MAGI3: variants seen among roughly 807,000 people sequenced by gnomAD.
MAGI3 encodes the protein membrane associated guanylate kinase, WW and PDZ domain containing 3, also known as membrane-associated guanylate kinase, WW and PDZ domain-containing protein 3.
In MAGI3, 43 loss-of-function variants were observed where a neutral mutation model predicts 121.8. The ratio of observed to expected loss-of-function variants is 0.35; its 90% confidence interval spans 0.28 to 0.46. The LOEUF is 0.46. Ranked by LOEUF, MAGI3 falls within the 20% of genes least tolerant of loss-of-function variation. MAGI3 has a pLI of 1.00. For synonymous variants in MAGI3, 553 were observed against 639.3 expected, an observed-to-expected ratio of 0.86 and a Z score of 2.04; for missense variants, 1,547 against 1,797.3, an observed-to-expected ratio of 0.86 and a Z score of 2.52.
intron 1 of MAGI3, among the ~76,000 whole-genome samples, chr1:113,465,843 AG>A (rs1484724815): frequency 6.6e-6 from 1 of 151,826 alleles, no homozygotes; most frequent in African/African-American, 2.4e-5. Flanking sequence ...TTGTATGTTG[AG>A]TTTGTATTTT....
chr1:113,422,035 G>A lies in MAGI3; in HGVS notation c.316+30686G>A, dbSNP rs1328130023. ...GACTTTAAAACTTTATGTAAAACAT[G>A]CCCTGCCCATCTCTCTCTCTTTACC... On this transcript the variant is annotated intron_variant, in intron 1 of 20. Transcript: ENST00000307546. This position sits in a 1 kb window ranked among gnomAD's most constrained non-coding sequence, Gnocchi z 4.3. Among the ~76,000 whole-genome samples the A allele has an allele frequency of 6.6e-6, 1 of 152,114 alleles. No homozygotes were observed. The highest frequency in any genetic ancestry group is 2.4e-5 in the African/African-American group (1 of 41,426).
chr1:113,682,056 AC>A (rs1648251796), intron 20 of MAGI3, among the ~76,000 whole-genome samples: 1 of 151,166 alleles, frequency 6.6e-6, no homozygotes. Context: ...TGTAGACATA[AC>A]CTCCTACAGT....
chr1:113,599,762 C>T (rs528436811), intron 6 of MAGI3, among the ~76,000 whole-genome samples: 2,392 of 151,338 alleles, frequency 0.016, 66 homozygotes, highest in African/African-American at 0.055. Flanking sequence ...GGCAGAGACA[C>T]AACCAAAAAA....
chr1:113,555,351 C>T (rs1050628436), intron 2 of MAGI3, among the ~76,000 whole-genome samples: 1 of 152,134 alleles, frequency 6.6e-6, no homozygotes, highest in African/African-American at 2.4e-5. Flanking sequence ...GGAAAATAGA[C>T]AACTTTATAA....
intron 2 of MAGI3, among the ~76,000 whole-genome samples, chr1:113,579,182 T>C (rs1647855139): frequency 6.6e-6 from 1 of 152,164 alleles, no homozygotes; most frequent in East Asian, 1.9e-4. Flanking sequence ...TTGGGGCTAT[T>C]ACTCTGAATC....
intron 1 of MAGI3, among the ~76,000 whole-genome samples, chr1:113,547,643 A>G (rs568628416): frequency 1.8e-4 from 27 of 152,312 alleles, no homozygotes; most frequent in Admixed American, 5.9e-4. Context: ...TATTTGGTAT[A>G]TTTTTGTTCA....
At chr1:113,407,151 A>G (rs914369079) in intron 1 of MAGI3, among the ~76,000 whole-genome samples, 2 of 152,178 alleles carry the variant, frequency 1.3e-5, no homozygotes, top group Non-Finnish European at 2.9e-5. Context: ...GAAAGTATAA[A>G]GTTGGAGAAT....
intron 19 of MAGI3, 51 bp downstream of exon 19, chr1:113,673,516 T>G: frequency 6.4e-7 from 1 of 1,554,960 alleles, no homozygotes; most frequent in Non-Finnish European, 8.7e-7. Flanking sequence ...GACTAGAAAC[T>G]TCGAAAGATA....
At chr1:113,460,585 G>A (rs535108814) in intron 1 of MAGI3, among the ~76,000 whole-genome samples, 2 of 152,164 alleles carry the variant, frequency 1.3e-5, no homozygotes, top group South Asian at 4.2e-4. Context: ...CGAGGTGGGC[G>A]GATCATGAAG....
intron 1 of MAGI3, among the ~76,000 whole-genome samples, chr1:113,508,062 G>A (rs912343530): frequency 6.6e-6 from 1 of 152,162 alleles, no homozygotes; most frequent in Non-Finnish European, 1.5e-5. Flanking sequence ...TTACTGAAAG[G>A]AAAGCTATGT....
chr1:113,434,891 G>A (rs1019468123), intron 1 of MAGI3, among the ~76,000 whole-genome samples: 1 of 152,050 alleles, frequency 6.6e-6, no homozygotes, highest in Non-Finnish European at 1.5e-5. Context: ...CTGCTTTTTA[G>A]CAAGGCCTTG....
At chr1:113,622,658 ACT>A in intron 8 of MAGI3, 146 bp from the exon 9 acceptor site, 1 of 622,414 alleles carries the variant, frequency 1.6e-6, no homozygotes. Flanking sequence ...CATATAATGG[ACT>A]CTGGGTTGAA....
rs751663682 is a variant in MAGI3 at position 113,649,192 on chromosome 1, C to A, written c.2156-45C>A. On this transcript the variant is annotated intron_variant, in intron 12 of 20. Coordinates refer to ENST00000307546, the MANE Select transcript of MAGI3 (RefSeq NM_001142782.2). ...TACTGAACTTTGTTTTGTTTTAATC[C>A]TTTTAAAATAAATCATAGTATTTAT... is the stretch of plus-strand genomic sequence containing the variant. The A allele has an allele frequency of 4.2e-5, 60 of 1,443,002 alleles. 1 individual carries two copies. The South Asian group carries it at 7.2e-4, about 17-fold the overall frequency. 89.4% of individuals were successfully genotyped at this position (1,443,002 alleles called of 1,614,324 possible).
chr1:113,448,979 G>A (rs1179272246), intron 1 of MAGI3, among the ~76,000 whole-genome samples: 1 of 152,016 alleles, frequency 6.6e-6, no homozygotes, highest in African/African-American at 2.4e-5. Context: ...TTAGCCCAGC[G>A]TGGTGGTGCA....
chr1:113,634,110 G>A (rs1211859097), intron 9 of MAGI3, among the ~76,000 whole-genome samples: 6 of 152,062 alleles, frequency 3.9e-5, no homozygotes, highest in Non-Finnish European at 7.4e-5. Flanking sequence ...AAATTTGTTT[G>A]AGTTCATTGT....
chr1:113,471,316 A>C, intron 1 of MAGI3, among the ~76,000 whole-genome samples: 1 of 152,238 alleles, frequency 6.6e-6, no homozygotes, highest in East Asian at 1.9e-4. Flanking sequence ...ACTAACAGGA[A>C]GAAAATTGAA....
At chr1:113,396,299 G>GTGTGTC (rs1189777232) in intron 1 of MAGI3, among the ~76,000 whole-genome samples, 3 of 151,602 alleles carry the variant, frequency 2.0e-5, no homozygotes, top group Non-Finnish European at 4.4e-5. Flanking sequence ...GTGTGTGTGT[G>GTGTGTC]TGTGTGTGTG....
At chr1:113,414,630 A>G (rs1232333784) in intron 1 of MAGI3, among the ~76,000 whole-genome samples, 11 of 151,672 alleles carry the variant, frequency 7.3e-5, no homozygotes, top group African/African-American at 1.2e-4. Flanking sequence ...GAATTTATCT[A>G]TTTTTTCTAG....
At chr1:113,516,968 A>T (rs929543145) in intron 1 of MAGI3, among the ~76,000 whole-genome samples, 1 of 152,016 alleles carries the variant, frequency 6.6e-6, no homozygotes, top group African/African-American at 2.4e-5. Context: ...CAATTGAAGG[A>T]TATTCTACAG....
Sources: gnomAD v4.1 joint callset for allele counts (sites outside exome capture counted in the v4.1 genomes callset) on GRCh38, gnomAD v4.1.1 for gene constraint, Gnocchi (gnomAD v3.1) non-coding constraint, MANE v1.5 for transcripts, NCBI Gene and HGNC (gene_info 2026-07-23, HGNC 2026-07-21) for gene names.